GRIK4: variants seen among roughly 807,000 people sequenced by gnomAD.
The protein encoded by GRIK4 is glutamate ionotropic receptor kainate type subunit 4.
Under a neutral mutation model 104.9 loss-of-function variants are expected in GRIK4, and 40 were observed. That is an observed-to-expected ratio of 0.38 (90% CI 0.30 to 0.50). The LOEUF (loss-of-function observed/expected upper bound fraction) is 0.50, where lower values mean the gene tolerates loss of function less well. Ranked by LOEUF, GRIK4 falls within the 20% of genes least tolerant of loss-of-function variation. The pLI is 0.93. For missense variants in GRIK4, 1,047 were observed against 1,308.1 expected, an observed-to-expected ratio of 0.80 and a Z score of 3.08; for synonymous variants, 485 against 524.9, an observed-to-expected ratio of 0.92 and a Z score of 1.04.
chr11:120,882,694 G>T (rs532095274), intron 11 of GRIK4, among the ~76,000 whole-genome samples: 1 of 152,316 alleles, frequency 6.6e-6, no homozygotes, highest in South Asian at 2.1e-4. Flanking sequence ...TTAAGAGTTG[G>T]AGGTCAGCGA....
chr11:120,810,000 G>C (rs1276351807), intron 4 of GRIK4, among the ~76,000 whole-genome samples: 1 of 152,226 alleles, frequency 6.6e-6, no homozygotes, highest in Non-Finnish European at 1.5e-5. Context: ...AGGGGTTCAA[G>C]TCTGCAGTGA....
intron 8 of GRIK4, among the ~76,000 whole-genome samples, chr11:120,850,393 T>C (rs78585589): frequency 0.015 from 2,285 of 152,306 alleles, 61 homozygotes; most frequent in African/African-American, 0.052. Context: ...AATTAGTTTA[T>C]TTTCTTTTCC....
intron 3 of GRIK4, among the ~76,000 whole-genome samples, chr11:120,774,687 C>G (rs991541945): frequency 1.3e-5 from 2 of 152,174 alleles, no homozygotes; most frequent in Non-Finnish European, 2.9e-5. Context: ...TGTAGCCTAA[C>G]CCAGGTCCTT....
Position 120,754,685 on chromosome 11 carries a change from GC to G in GRIK4, c.83-48004del, listed in dbSNP as rs373285022. On this transcript the variant is annotated intron_variant, in intron 3 of 20. Transcript: ENST00000527524. ...CTCCAGACTGCTCTCCAAAGTGGCT[GC>G]CCCGTTTTACATTCCCACCAGCAAT... 2.6e-4 allele frequency among the ~76,000 whole-genome samples: 39 copies of G among 152,250 alleles called. No individual in the cohort carries two copies. The East Asian group carries it at 7.3e-3, about 29-fold the overall frequency.
At position 120,905,492 on chromosome 11, in the gene GRIK4, G is replaced by C; in HGVS notation, c.1475G>C (p.Arg492Thr). Reference protein sequence around the residue: ...WTGMVGELIARKADLAVAGLT... With the variant: ...WTGMVGELIATKADLAVAGLT... ...GGAATGGTCGGGGAGCTGATCGCTA[G>C]GGTAAGGAGAGGACAAGTGATCTGG... Residue 492 changes from arginine (R) to threonine (T), a missense_variant and splice_region_variant, in exon 13 of 21, where the codon AGG becomes ACG. Physicochemically the swap from Arg to Thr is moderately conservative, Grantham distance 71. Transcript: ENST00000527524. The surrounding 1 kb of genome is among the most constrained non-coding windows in gnomAD (Gnocchi z 5.1). 6.2e-7 allele frequency: 1 copy of C among 1,604,006 alleles called. No homozygotes were observed. Among genetic ancestry groups the C allele is most frequent in the Non-Finnish European group, 8.5e-7 (1 of 1,173,712 alleles).
chr11:120,954,159 C>G (rs972027715), intron 15 of GRIK4, among the ~76,000 whole-genome samples: 6 of 152,080 alleles, frequency 3.9e-5, no homozygotes, highest in Non-Finnish European at 5.9e-5. Flanking sequence ...GGGCACTTCC[C>G]AGACTGCCAG....
Position 120,819,046 on chromosome 11 carries a change from G to C in GRIK4, c.346-709G>C, listed in dbSNP as rs941046376. ...GAAGAGAGGCAGAAGGCAGGACAGTGGGTCCTGGAAATGTCAGTAATAGAT... is the reference window on the plus strand; with the variant it reads ...GAAGAGAGGCAGAAGGCAGGACAGTCGGTCCTGGAAATGTCAGTAATAGAT... On this transcript the variant is annotated intron_variant, in intron 5 of 20. Transcript: ENST00000527524. This position sits in a 1 kb window ranked among gnomAD's most constrained non-coding sequence, Gnocchi z 4.3. Among the ~76,000 whole-genome samples, 1 of 152,210 alleles carries C rather than the reference G, an allele frequency of 6.6e-6. No homozygotes were observed. The highest frequency in any genetic ancestry group is 1.5e-5 in the Non-Finnish European group (1 of 68,038).
chr11:120,890,768 A>T (rs1408893697), intron 11 of GRIK4, among the ~76,000 whole-genome samples: 1 of 152,222 alleles, frequency 6.6e-6, no homozygotes, highest in Non-Finnish European at 1.5e-5. Flanking sequence ...GTTGTGCAGA[A>T]TCAAGGAGAT....
At chr11:120,757,121 C>T (rs1951667307) in intron 3 of GRIK4, among the ~76,000 whole-genome samples, 1 of 152,232 alleles carries the variant, frequency 6.6e-6, no homozygotes, top group African/African-American at 2.4e-5. Flanking sequence ...CAGAGTTGGC[C>T]TGAGAGGTTT....
chr11:120,620,033 G>A (rs376342842), intron 1 of GRIK4: 19 of 610,154 alleles, frequency 3.1e-5, no homozygotes, highest in East Asian at 2.1e-4. Context: ...GTGAACCTGT[G>A]TGTAAAATAC....
chr11:120,835,552 A>AAAC (rs1953554279), intron 7 of GRIK4, among the ~76,000 whole-genome samples: 1 of 152,140 alleles, frequency 6.6e-6, no homozygotes, highest in Non-Finnish European at 1.5e-5. Flanking sequence ...CAAACAAAAA[A>AAAC]AGAAGCTCAC....
chr11:120,787,852 C>CTTTTCTTTTTTTTTTTTTTTTT (rs1952314500), intron 3 of GRIK4, among the ~76,000 whole-genome samples: 1 of 77,122 alleles, frequency 1.3e-5, no homozygotes, highest in Non-Finnish European at 2.3e-5. Flanking sequence ...CTTTTCTTTT[C>CTTTTCTTTTTTTTTTTTTTTTT]TTTTTTTTTT....
At chr11:120,783,779 A>G (rs1308672829) in intron 3 of GRIK4, among the ~76,000 whole-genome samples, 4 of 152,218 alleles carry the variant, frequency 2.6e-5, no homozygotes, top group Non-Finnish European at 5.9e-5. Flanking sequence ...TGCAGACAGC[A>G]TGAGTTTATC....
intron 1 of GRIK4, among the ~76,000 whole-genome samples, chr11:120,574,113 C>A (rs1416948694): frequency 6.6e-6 from 1 of 152,204 alleles, no homozygotes; most frequent in African/African-American, 2.4e-5. Flanking sequence ...CCAGCCTTAT[C>A]CATGAGCTCC....
chr11:120,761,461 C>T (rs9737514), intron 3 of GRIK4, among the ~76,000 whole-genome samples: 4,658 of 152,250 alleles, frequency 0.031, 193 homozygotes, highest in African/African-American at 0.089. Context: ...AATTAGATCC[C>T]ATTTGTCAAT....
At chr11:120,548,027 G>A (rs1948103321) in intron 1 of GRIK4, among the ~76,000 whole-genome samples, 1 of 152,210 alleles carries the variant, frequency 6.6e-6, no homozygotes, top group African/African-American at 2.4e-5. Context: ...CAGGGTGAAG[G>A]ACGCTGGGAG....
intron 1 of GRIK4, among the ~76,000 whole-genome samples, chr11:120,600,637 T>C (rs905740230): frequency 6.6e-6 from 1 of 152,148 alleles, no homozygotes; most frequent in African/African-American, 2.4e-5. Flanking sequence ...ACCAGGAAGA[T>C]CTTCAGGGGT....
chr11:120,903,355 C>G lies in GRIK4; in HGVS notation c.1273-1935C>G, dbSNP rs990420904. On this transcript the variant is annotated intron_variant, in intron 12 of 20. Transcript: ENST00000527524. The surrounding 1 kb of genome is among the most constrained non-coding windows in gnomAD (Gnocchi z 4.4). ...GACTCAAGCCTATCTGCCCCACTTT[C>G]AGCACAACTCTGGGGCCAGCACGAG... is the stretch of plus-strand genomic sequence containing the variant. 2.6e-5 allele frequency among the ~76,000 whole-genome samples: 4 copies of G among 152,076 alleles called. No individual in the cohort carries two copies. Among genetic ancestry groups the G allele is most frequent in the African/African-American group, 7.2e-5 (3 of 41,404 alleles).
chr11:120,542,231 G>A (rs1302805856), intron 1 of GRIK4, among the ~76,000 whole-genome samples: 5 of 152,130 alleles, frequency 3.3e-5, no homozygotes, highest in Admixed American at 1.3e-4. Context: ...TAAATGGTGT[G>A]GGGAAAACTG....
Sources: gnomAD v4.1 joint callset for allele counts (sites outside exome capture counted in the v4.1 genomes callset) on GRCh38, gnomAD v4.1.1 for gene constraint, Gnocchi (gnomAD v3.1) non-coding constraint, MANE v1.5 for transcripts, NCBI Gene and HGNC (gene_info 2026-07-23, HGNC 2026-07-21) for gene names.